CAST: variants seen among roughly 807,000 people sequenced by gnomAD.
CAST encodes calpastatin.
CAST carries 76 observed loss-of-function variants against 119.6 expected under a neutral mutation model. The observed-to-expected ratio is 0.64, with a 90% CI of 0.53 to 0.77. The LOEUF is 0.77. Among genes scored for constraint, CAST ranks in the 30% least tolerant of loss-of-function variants. The pLI is 0.00. For synonymous variants in CAST, 319 were observed against 331.6 expected (o/e 0.96, Z 0.41); for missense variants, 953 against 946.5 (o/e 1.01, Z -0.09).
chr5:96,412,750 A>ATTTTTTTTTTTTTTTTTTTTTTTTTTTT, the CAST span, among the ~76,000 whole-genome samples: 1 of 63,388 alleles, frequency 1.6e-5, no homozygotes, highest in African/African-American at 7.9e-5. Flanking sequence ...GGCAGCTGTG[A>ATTTTTTTTTTTTTTTTTTTTTTTTTTTT]TGTTTTTTTT....
At chr5:96,264,734 A>G in the CAST span, among the ~76,000 whole-genome samples, 11 of 152,354 alleles carry the variant, frequency 7.2e-5, no homozygotes, top group Middle Eastern at 3.4e-3. Flanking sequence ...TAGCATACAC[A>G]TGACATTAGT....
At chr5:96,269,764 A>T in the CAST span, among the ~76,000 whole-genome samples, 1 of 152,330 alleles carries the variant, frequency 6.6e-6, no homozygotes, top group Non-Finnish European at 1.5e-5. Context: ...AATAAAAAGT[A>T]TCGCATCAAA....
the CAST span, among the ~76,000 whole-genome samples, chr5:96,005,318 G>A: frequency 6.6e-6 from 1 of 152,110 alleles, no homozygotes; most frequent in South Asian, 2.1e-4. Flanking sequence ...TGGAACAAGA[G>A]AATGGACACT....
At chr5:96,362,429 A>G in the CAST span, among the ~76,000 whole-genome samples, 4 of 152,210 alleles carry the variant, frequency 2.6e-5, no homozygotes, top group African/African-American at 9.7e-5. Context: ...ACAATGGTTG[A>G]ACTAGTTTAC....
At chr5:96,250,692 A>G in the CAST span, among the ~76,000 whole-genome samples, 1 of 152,036 alleles carries the variant, frequency 6.6e-6, no homozygotes, top group South Asian at 2.1e-4. Context: ...GGCAGACTAG[A>G]TATAAGGTAG....
chr5:96,766,598 G>A (rs925901469), intron 27 of CAST, among the ~76,000 whole-genome samples: 2 of 152,168 alleles, frequency 1.3e-5, no homozygotes, highest in Admixed American at 1.3e-4. Flanking sequence ...CAGCACTATT[G>A]CAAGTGAAGA....
chr5:96,295,698 C>T, the CAST span, among the ~76,000 whole-genome samples: 3 of 151,882 alleles, frequency 2.0e-5, no homozygotes, highest in Admixed American at 6.6e-5. Flanking sequence ...TCCTACTTGC[C>T]AGACATAATG....
At chr5:96,269,583 C>T in the CAST span, among the ~76,000 whole-genome samples, 1 of 152,104 alleles carries the variant, frequency 6.6e-6, no homozygotes, top group East Asian at 1.9e-4. Flanking sequence ...AACATAACAA[C>T]TGAAGCCACA....
chr5:96,129,778 T>A, the CAST span, among the ~76,000 whole-genome samples: 1 of 152,076 alleles, frequency 6.6e-6, no homozygotes, highest in East Asian at 1.9e-4. Context: ...ATGAAATCAT[T>A]TAGAAAATGG....
intron 1 of CAST, among the ~76,000 whole-genome samples, chr5:96,649,561 C>T (rs1452988672): frequency 6.6e-6 from 1 of 152,158 alleles, no homozygotes; most frequent in East Asian, 1.9e-4. Flanking sequence ...ATCAAGCCAC[C>T]TTTGCCACCT....
At chr5:96,566,477 T>G (rs953251297) in intron 1 of CAST, among the ~76,000 whole-genome samples, 1 of 152,196 alleles carries the variant, frequency 6.6e-6, no homozygotes, top group Non-Finnish European at 1.5e-5. Context: ...GTTCTCTCCC[T>G]TCTTCAAACA....
chr5:96,515,296 C>CAATATTGGGGAACAA, the CAST span, among the ~76,000 whole-genome samples: 2,413 of 143,108 alleles, frequency 0.017, 74 homozygotes, highest in African/African-American at 0.058. Context: ...ATATTGTTCC[C>CAATATTGGGGAACAA]ACAATGTTTG....
intron 1 of CAST, among the ~76,000 whole-genome samples, chr5:96,547,639 G>C (rs140612521): frequency 1.3e-5 from 2 of 152,290 alleles, no homozygotes; most frequent in African/African-American, 4.8e-5. Flanking sequence ...TTTTAACTCG[G>C]AGTAGTTGAC....
At chr5:96,416,234 G>C in the CAST span, 1 of 741,080 alleles carries the variant, frequency 1.3e-6, no homozygotes, top group Non-Finnish European at 2.4e-6. Flanking sequence ...CCTTGTTACT[G>C]TTTTTGTTTG....
At chr5:96,600,961 G>A (rs965564203) in intron 1 of CAST, among the ~76,000 whole-genome samples, 8 of 151,986 alleles carry the variant, frequency 5.3e-5, no homozygotes, top group Non-Finnish European at 8.8e-5. Context: ...TCTGGATTTT[G>A]GTCTCCCTCT....
intron 1 of CAST, among the ~76,000 whole-genome samples, chr5:96,581,931 ACCC>A (rs1388838900): frequency 6.6e-6 from 1 of 151,978 alleles, no homozygotes; most frequent in Non-Finnish European, 1.5e-5. Flanking sequence ...CAATCTGAAT[ACCC>A]ATCAACTAAT....
the CAST span, among the ~76,000 whole-genome samples, chr5:96,171,660 C>T: frequency 3.2e-4 from 49 of 152,286 alleles, 1 homozygote; most frequent in South Asian, 7.7e-3. Context: ...AAATGTGTCT[C>T]CTTTGTCTTT....
intron 1 of CAST, among the ~76,000 whole-genome samples, chr5:96,632,585 G>A (rs1747834933): frequency 6.6e-6 from 1 of 151,704 alleles, no homozygotes; most frequent in Non-Finnish European, 1.5e-5. Context: ...GCTCTTATGA[G>A]TCTTTGATCT....
chr5:96,337,015 G>T, the CAST span, among the ~76,000 whole-genome samples: 3 of 152,126 alleles, frequency 2.0e-5, no homozygotes, highest in Non-Finnish European at 2.9e-5. Flanking sequence ...AGGAGTTTAC[G>T]TTTGATCTTT....
Sources: gnomAD v4.1 joint callset for allele counts (sites outside exome capture counted in the v4.1 genomes callset) on GRCh38, gnomAD v4.1.1 for gene constraint, MANE v1.5 for transcripts, NCBI Gene and HGNC (gene_info 2026-07-23, HGNC 2026-07-21) for gene names.